POLR3B: variants seen among roughly 807,000 people sequenced by gnomAD.
POLR3B encodes the protein RNA polymerase III subunit B.
Under a neutral mutation model 147.4 loss-of-function variants are expected in POLR3B, and 96 were observed. The observed-to-expected ratio is 0.65, with a 90% CI of 0.55 to 0.77. The LOEUF is 0.77. Among genes scored for constraint, POLR3B ranks in the 30% least tolerant of loss-of-function variants. POLR3B has a pLI of 0.00. For missense variants in POLR3B, 1,036 were observed against 1,413.5 expected, an observed-to-expected ratio of 0.73 and a Z score of 4.28; for synonymous variants, 461 against 485.9, an observed-to-expected ratio of 0.95 and a Z score of 0.67.
chr12:106,443,754 C>T (rs960609874), intron 18 of POLR3B, among the ~76,000 whole-genome samples: 1 of 152,154 alleles, frequency 6.6e-6, no homozygotes, highest in Non-Finnish European at 1.5e-5. Flanking sequence ...CTACTGACCT[C>T]AAGTGATCCA....
At chr12:106,426,839 T>TCCCCCCC (rs67180409) in intron 12 of POLR3B, among the ~76,000 whole-genome samples, 2 of 25,318 alleles carry the variant, frequency 7.9e-5, no homozygotes, top group Non-Finnish European at 1.4e-4. Context: ...TTCTCCACCG[T>TCCCCCCC]CCCCCCCCCC....
intron 27 of POLR3B, among the ~76,000 whole-genome samples, chr12:106,508,409 C>T (rs2038723430): frequency 6.6e-6 from 1 of 152,184 alleles, no homozygotes; most frequent in African/African-American, 2.4e-5. Context: ...CCCGATCTTC[C>T]AAGCCTCAGT....
intron 18 of POLR3B, among the ~76,000 whole-genome samples, chr12:106,443,260 A>T (rs747481669): frequency 2.4e-4 from 36 of 152,350 alleles, no homozygotes; most frequent in Non-Finnish European, 5.0e-4. Context: ...CCAATTTTTT[A>T]TCAGAAATAC....
chr12:106,500,218 A>T (rs556923213), intron 25 of POLR3B: 303 of 453,654 alleles, frequency 6.7e-4, no homozygotes, highest in South Asian at 8.9e-4. Flanking sequence ...TTAAAAAAAA[A>T]TTTTTTAAGA....
intron 26 of POLR3B, among the ~76,000 whole-genome samples, chr12:106,502,768 C>A (rs1473550837): frequency 6.6e-6 from 1 of 152,158 alleles, no homozygotes; most frequent in Admixed American, 6.5e-5. Flanking sequence ...CAATAATCAC[C>A]TCAGCAATGG....
At chr12:106,368,062 A>G (rs2036556397) in intron 4 of POLR3B, among the ~76,000 whole-genome samples, 1 of 152,098 alleles carries the variant, frequency 6.6e-6, no homozygotes, top group Admixed American at 6.6e-5. Flanking sequence ...ACTATCATAT[A>G]TATATATCCA....
At chr12:106,464,800 G>T (rs2137038136) in intron 23 of POLR3B, among the ~76,000 whole-genome samples, 1 of 152,210 alleles carries the variant, frequency 6.6e-6, no homozygotes, top group East Asian at 1.9e-4. Context: ...AAGTTTCTTT[G>T]CCAAGCGAGT....
At chr12:106,480,458 G>A (rs1375699442) in intron 23 of POLR3B, among the ~76,000 whole-genome samples, 1 of 152,130 alleles carries the variant, frequency 6.6e-6, no homozygotes, top group Non-Finnish European at 1.5e-5. Flanking sequence ...AGTGCTTAAG[G>A]CTGTCAGCTG....
intron 12 of POLR3B, among the ~76,000 whole-genome samples, chr12:106,419,412 A>G (rs532269973): frequency 4.6e-5 from 7 of 152,302 alleles, no homozygotes; most frequent in African/African-American, 1.4e-4. Context: ...CTTCTTTGGC[A>G]CTAGCTAGAG....
chr12:106,383,347 T>G (rs1593009345), intron 9 of POLR3B, among the ~76,000 whole-genome samples: 1 of 152,320 alleles, frequency 6.6e-6, no homozygotes, highest in Non-Finnish European at 1.5e-5. Context: ...TTTTCCTTTG[T>G]GTGCACAACT....
intron 9 of POLR3B, among the ~76,000 whole-genome samples, chr12:106,391,823 A>G (rs1403460143): frequency 6.6e-6 from 1 of 152,074 alleles, no homozygotes; most frequent in Non-Finnish European, 1.5e-5. Flanking sequence ...TTGGGATTTG[A>G]TTTTCCCTTC....
At chr12:106,396,529 G>A (rs1044840758) in intron 10 of POLR3B, among the ~76,000 whole-genome samples, 1 of 152,250 alleles carries the variant, frequency 6.6e-6, no homozygotes, top group African/African-American at 2.4e-5. Flanking sequence ...ACCAAGTCTA[G>A]TAGGAAAAAC....
intron 15 of POLR3B, among the ~76,000 whole-genome samples, 154 bp downstream of exon 15, chr12:106,432,634 C>G (rs1199018108): frequency 6.6e-6 from 1 of 152,140 alleles, no homozygotes; most frequent in Non-Finnish European, 1.5e-5. Flanking sequence ...ATAACAGAAA[C>G]AGTTACTTTG....
chr12:106,417,401 T>TG (rs2037319029), intron 12 of POLR3B, among the ~76,000 whole-genome samples: 1 of 152,138 alleles, frequency 6.6e-6, no homozygotes, highest in East Asian at 1.9e-4. Flanking sequence ...CTGTGTGCCA[T>TG]GGGAAGAGAC....
At chr12:106,464,776 T>G (rs2037984304) in intron 23 of POLR3B, among the ~76,000 whole-genome samples, 1 of 152,230 alleles carries the variant, frequency 6.6e-6, no homozygotes, top group Non-Finnish European at 1.5e-5. Flanking sequence ...GCACATTGTG[T>G]TTCTGCTGAT....
chr12:106,443,699 T>A (rs993968035), intron 18 of POLR3B, among the ~76,000 whole-genome samples: 10 of 151,874 alleles, frequency 6.6e-5, no homozygotes, highest in African/African-American at 2.4e-4. Context: ...TTGTATTTTT[T>A]AAGTAGAGAC....
chr12:106,433,888 AC>A lies in POLR3B; in HGVS notation c.1781+17del, dbSNP rs1175514856. 5.6e-6 allele frequency: 9 copies of A among 1,604,630 alleles called. No homozygotes were observed. The highest frequency in any genetic ancestry group is 6.8e-6 in the Non-Finnish European group (8 of 1,172,198). ...GGCTATGCAGGTATATATGCAGGTTACTAAAAAGAGTTTTTAAGAATCTCTT... is the reference window on the plus strand; with the variant it reads ...GGCTATGCAGGTATATATGCAGGTTATAAAAAGAGTTTTTAAGAATCTCTT... On this transcript the variant is annotated intron_variant, in intron 16 of 27. Coordinates refer to ENST00000228347, the MANE Select transcript of POLR3B (RefSeq NM_018082.6).
intron 9 of POLR3B, among the ~76,000 whole-genome samples, chr12:106,390,220 A>G (rs2250653): frequency 0.34 from 31,189 of 92,142 alleles, 4,620 homozygotes; most frequent in East Asian, 0.71. Context: ...TCTGTCTCTG[A>G]AAAAAAAAAA....
At chr12:106,389,576 G>C (rs1290712558) in intron 9 of POLR3B, among the ~76,000 whole-genome samples, 4 of 151,400 alleles carry the variant, frequency 2.6e-5, no homozygotes, top group African/African-American at 9.8e-5. Context: ...GAAATGCTTG[G>C]GACCAGCAGT....
Sources: allele counts gnomAD v4.1 joint callset (sites outside exome capture counted in the v4.1 genomes callset), GRCh38; gene constraint gnomAD v4.1.1; transcripts MANE v1.5; gene names NCBI Gene and HGNC (gene_info 2026-07-23, HGNC 2026-07-21).